The following MPP7 variants were observed in gnomAD, a reference collection of about 807,000 sequenced individuals.
The protein encoded by MPP7 is MAGUK p55 subfamily member 7.
A neutral mutation model predicts 76.5 loss-of-function variants in MPP7; 60 were observed. That is an observed-to-expected ratio of 0.78 (90% confidence interval 0.64 to 0.97). The LOEUF is 0.97. MPP7 is among the 50% of genes least tolerant of loss of function. The pLI, the probability that MPP7 is intolerant of heterozygous loss-of-function variation, is 0.00. For missense variants in MPP7, 641 were observed against 694.0 expected, an observed-to-expected ratio of 0.92 and a Z score of 0.86; for synonymous variants, 237 against 244.5, an observed-to-expected ratio of 0.97 and a Z score of 0.29.
intron 1 of MPP7, among the ~76,000 whole-genome samples, chr10:28,240,567 G>A (rs890228489): frequency 6.6e-6 from 1 of 152,062 alleles, no homozygotes; most frequent in Non-Finnish European, 1.5e-5. Flanking sequence ...TATAAGAATT[G>A]TTATTTGAAA....
intron 3 of MPP7, among the ~76,000 whole-genome samples, chr10:28,166,398 TAA>T (rs145776730): frequency 6.9e-6 from 1 of 145,742 alleles, no homozygotes; most frequent in East Asian, 2.1e-4. Context: ...TTTTACCTTT[TAA>T]TTTTTTTTTT....
intron 1 of MPP7, among the ~76,000 whole-genome samples, chr10:28,282,920 G>A (rs540676154): frequency 4.6e-5 from 7 of 152,036 alleles, no homozygotes; most frequent in East Asian, 1.9e-4. Context: ...CCTGAGGTAC[G>A]GTGTGTGGAT....
intron 2 of MPP7, among the ~76,000 whole-genome samples, chr10:28,211,843 T>C (rs1019942921): frequency 6.6e-6 from 1 of 151,934 alleles, no homozygotes; most frequent in Non-Finnish European, 1.5e-5. Context: ...GGAGCCCAGA[T>C]CACACAGGGC....
At chr10:28,323,835 G>A (rs544688967) in intron 2 of MPP7, among the ~76,000 whole-genome samples, 2 of 152,186 alleles carry the variant, frequency 1.3e-5, no homozygotes, top group South Asian at 2.1e-4. Context: ...GGCATAATAC[G>A]CCACCTCTTC....
chr10:28,251,568 T>C (rs1469052710), intron 1 of MPP7, among the ~76,000 whole-genome samples: 1 of 152,180 alleles, frequency 6.6e-6, no homozygotes, highest in Non-Finnish European at 1.5e-5. Flanking sequence ...ATCATACAAG[T>C]ATGCAACAAT....
At chr10:28,241,929 C>T (rs924990492) in intron 1 of MPP7, among the ~76,000 whole-genome samples, 8 of 152,300 alleles carry the variant, frequency 5.3e-5, no homozygotes, top group African/African-American at 1.9e-4. Flanking sequence ...GAGCTTACAA[C>T]GTTCAATTTC....
At chr10:28,328,208 T>G (rs1346335187) in intron 2 of MPP7, among the ~76,000 whole-genome samples, 1 of 152,250 alleles carries the variant, frequency 6.6e-6, no homozygotes, top group Non-Finnish European at 1.5e-5. Flanking sequence ...AACTGACTTT[T>G]ACCTACATGC....
rs59047415 is a variant in MPP7 at position 28,299,766 on chromosome 10, C to CT, written c.-132+3094dup. 2.4e-3 allele frequency among the ~76,000 whole-genome samples: 321 copies of CT among 132,704 alleles called. 2 individuals are homozygous for CT. Among genetic ancestry groups the CT allele is most frequent in the Admixed American group, 3.4e-3 (45 of 13,062 alleles). 87.1% of individuals were successfully genotyped at this position (132,704 alleles called of 152,430 possible). A position where few individuals can be genotyped will look rare whatever the true frequency, so the allele number is the denominator to read the frequency against. On this transcript the variant is annotated intron_variant, in intron 1 of 16. Coordinates refer to ENST00000683449, the MANE Select transcript of MPP7 (RefSeq NM_001318170.2). Reference sequence around the variant, plus strand: ...GTATCTCATTTAACAAAATTCAAGACTTTTTTTTTTTTTTTTTGAGACGGA... The same window carrying CT: ...GTATCTCATTTAACAAAATTCAAGACTTTTTTTTTTTTTTTTTTGAGACGGA...
intron 1 of MPP7, among the ~76,000 whole-genome samples, chr10:28,248,022 AG>A (rs536445118): frequency 1.6e-3 from 238 of 152,332 alleles, no homozygotes; most frequent in African/African-American, 5.3e-3. Flanking sequence ...TGAACAGAAA[AG>A]GGGAAAAGTT....
At chr10:28,192,072 T>A (rs570919958) in intron 3 of MPP7, among the ~76,000 whole-genome samples, 64 of 151,636 alleles carry the variant, frequency 4.2e-4, no homozygotes, top group African/African-American at 1.4e-3. Flanking sequence ...GGTGACAAAG[T>A]AAGACTCTGC....
At chr10:28,094,742 T>C (rs988294732) in intron 11 of MPP7, among the ~76,000 whole-genome samples, 2 of 152,224 alleles carry the variant, frequency 1.3e-5, no homozygotes, top group African/African-American at 4.8e-5. Context: ...GATTTAAATA[T>C]GTTAAATATT....
At chr10:28,071,608 AAATT>A (rs1243610345) in intron 12 of MPP7, among the ~76,000 whole-genome samples, 1 of 152,240 alleles carries the variant, frequency 6.6e-6, no homozygotes, top group Non-Finnish European at 1.5e-5. Context: ...TCTCCCTTCC[AAATT>A]AATACATTGA....
At chr10:28,131,525 A>G (rs972433055) in intron 6 of MPP7, 35 bp downstream of exon 6, 8 of 1,521,276 alleles carry the variant, frequency 5.3e-6, no homozygotes, top group African/African-American at 1.4e-5. Flanking sequence ...TGGCCCTATC[A>G]TGGTATCTAC....
chr10:28,100,966 A>G (rs1853798057), intron 11 of MPP7, among the ~76,000 whole-genome samples: 1 of 152,146 alleles, frequency 6.6e-6, no homozygotes, highest in Admixed American at 6.5e-5. Flanking sequence ...GCTCTTACTT[A>G]TACCTTCAAA....
intron 2 of MPP7, among the ~76,000 whole-genome samples, chr10:28,233,578 C>T (rs1021557327): frequency 6.6e-6 from 1 of 151,668 alleles, no homozygotes; most frequent in African/African-American, 2.4e-5. Context: ...ATTAGCCGGG[C>T]GTGGTGGCGG....
Position 28,176,891 on chromosome 10 carries a change from G to A in MPP7, c.156+25262C>T, listed in dbSNP as rs192414060. ...GGAGCCTGTCGTGGGGTGGGGGGGT[G>A]GGGGAGGGATAGCATTAGGAGATAT... On this transcript the variant is annotated intron_variant, in intron 3 of 16. Transcript: ENST00000683449. Among the ~76,000 whole-genome samples, 913 of 123,332 alleles carry A rather than the reference G, an allele frequency of 7.4e-3. 39 individuals are homozygous for A. The East Asian group carries it at 0.12, about 16-fold the overall frequency. The allele number at this position is 123,332 out of a possible 152,430, so 80.9% of individuals were successfully genotyped here. A position where few individuals can be genotyped will look rare whatever the true frequency, so the allele number is the denominator to read the frequency against.
chr10:28,083,369 G>C (rs1320918449), intron 12 of MPP7, among the ~76,000 whole-genome samples: 1 of 152,086 alleles, frequency 6.6e-6, no homozygotes, highest in African/African-American at 2.4e-5. Context: ...GCCACAGTGG[G>C]GTAGAGGTGG....
At chr10:28,191,451 T>C (rs541213672) in intron 3 of MPP7, among the ~76,000 whole-genome samples, 2 of 152,158 alleles carry the variant, frequency 1.3e-5, no homozygotes, top group Non-Finnish European at 2.9e-5. Context: ...AGATTGAGCA[T>C]CCCAAATCCA....
intron 2 of MPP7, among the ~76,000 whole-genome samples, chr10:28,218,529 A>G (rs1838388730): frequency 1.3e-5 from 2 of 152,146 alleles, no homozygotes; most frequent in South Asian, 4.1e-4. Flanking sequence ...CCTTAAAGTA[A>G]ATAACTGACT....
Sources: gnomAD v4.1 joint callset for allele counts (sites outside exome capture counted in the v4.1 genomes callset) on GRCh38, gnomAD v4.1.1 for gene constraint, MANE v1.5 for transcripts, NCBI Gene and HGNC (gene_info 2026-07-23, HGNC 2026-07-21) for gene names.